Variants in MKNK2 observed in about 807,000 individuals in gnomAD.
The protein encoded by MKNK2 is MAPK interacting serine/threonine kinase 2, also known as MAP kinase-interacting serine/threonine-protein kinase 2.
A neutral mutation model predicts 55.0 loss-of-function variants in MKNK2; 54 were observed. The observed-to-expected ratio is 0.98, with a 90% CI of 0.79 to 1.23. The LOEUF (loss-of-function observed/expected upper bound fraction) is 1.23. Ranked by LOEUF, MKNK2 falls within the 50% of genes most tolerant of loss-of-function variation. The pLI is 0.00. For synonymous variants in MKNK2, 323 were observed against 256.0 expected, an observed-to-expected ratio of 1.26 and a Z score of -2.50; for missense variants, 685 against 632.1, an observed-to-expected ratio of 1.08 and a Z score of -0.90.
At chr19:2,044,296 G>A (rs925008407) in intron 5 of MKNK2, among the ~76,000 whole-genome samples, 3 of 152,230 alleles carry the variant, frequency 2.0e-5, no homozygotes, top group Admixed American at 6.5e-5. Flanking sequence ...AGCCTGGGCA[G>A]ACACTTGCCT....
chr19:2,039,477 C>A lies in MKNK2; in HGVS notation c.*136G>T, dbSNP rs959485894. ...AGCAAAAACCTTCTATAAAACACCC[C>A]CCTCAGCTGAGCTTAGTGCCTGGGA... is the stretch of plus-strand genomic sequence containing the variant. On this transcript the variant is annotated 3_prime_UTR_variant, in exon 14 of 14. Coordinates refer to ENST00000250896, the MANE Select transcript of MKNK2 (RefSeq NM_199054.3). 29 of 1,415,870 alleles carry A rather than the reference C, an allele frequency of 2.0e-5. No individual in the cohort carries two copies. The South Asian group carries it at 2.8e-4, about 14-fold the overall frequency. 87.7% of individuals were successfully genotyped at this position (1,415,870 alleles called of 1,614,324 possible).
intron 2 of MKNK2, among the ~76,000 whole-genome samples, chr19:2,050,300 C>A (rs781178816): frequency 3.9e-5 from 6 of 152,332 alleles, no homozygotes; most frequent in Non-Finnish European, 1.5e-5. Flanking sequence ...GGTGGGTGCA[C>A]CTGACCAGCC....
intron 6 of MKNK2, 22 bp downstream of exon 6, chr19:2,043,481 G>A: frequency 6.2e-7 from 1 of 1,608,218 alleles, no homozygotes. Flanking sequence ...GGCCAGTGCG[G>A]TGGCAAGGGT....
chr19:2,040,238 G>A, intron 12 of MKNK2, 61 bp from the exon 13 acceptor site: 1 of 1,420,636 alleles, frequency 7.0e-7, no homozygotes, highest in Non-Finnish European at 9.5e-7. Context: ...GGGGCGCTGG[G>A]TGGGGTGTCT....
At position 2,039,475 on chromosome 19, in the gene MKNK2, C is replaced by G; in HGVS notation, c.*138G>C. 7.1e-7 allele frequency: 1 copy of G among 1,402,958 alleles called. No individual in the cohort carries two copies. Among genetic ancestry groups the G allele is most frequent in the Non-Finnish European group, 9.3e-7 (1 of 1,078,438 alleles). The allele number at this position is 1,402,958 out of a possible 1,614,324, so 86.9% of individuals were successfully genotyped here. Reference sequence around the variant, plus strand: ...AAAGCAAAAACCTTCTATAAAACACCCCCCTCAGCTGAGCTTAGTGCCTGG... The same window carrying G: ...AAAGCAAAAACCTTCTATAAAACACGCCCCTCAGCTGAGCTTAGTGCCTGG... On this transcript the variant is annotated 3_prime_UTR_variant, in exon 14 of 14. Coordinates refer to ENST00000250896, the MANE Select transcript of MKNK2 (RefSeq NM_199054.3).
rs145756453 is a variant in MKNK2, at chr19:2,037,966, G to A, written c.*1647C>T. 1.6e-3 allele frequency: 2,168 copies of A among 1,380,324 alleles called. 22 individuals carry two copies. In the African/African-American group the frequency reaches 0.029, roughly 18 times the overall value. The allele number at this position is 1,380,324 out of a possible 1,614,324, so 85.5% of individuals were successfully genotyped here. On this transcript the variant is annotated 3_prime_UTR_variant, in exon 14 of 14. Transcript: ENST00000250896. ...GATACAAAAAGGCAGAGAATCCCCC[G>A]TTACGAAACATGGAATCACTGACAG...
At position 2,042,427 on chromosome 19, in the gene MKNK2, C is replaced by G; in HGVS notation, c.750G>C (p.Pro250=). The change falls in exon 10 of 14, where the codon CCG becomes CCC. Residue 250 remains proline, a splice_region_variant and synonymous_variant. Coordinates refer to ENST00000250896, the MANE Select transcript of MKNK2 (RefSeq NM_199054.3). ...SPISTPELLT[P]CGSAEYMAPE... is the part of the protein sequence containing the mutation. Reference sequence around the variant, plus strand: ...CCCAGCCCTCCCCGCGGGCCCTCACCGGAGTGAGCAGCTCCGGGGTGGAGA... The same window carrying G: ...CCCAGCCCTCCCCGCGGGCCCTCACGGGAGTGAGCAGCTCCGGGGTGGAGA... The G allele has an allele frequency of 6.4e-7, 1 of 1,572,776 alleles. No individual in the cohort carries two copies. The highest frequency in any genetic ancestry group is 1.7e-4 in the Middle Eastern group (1 of 5,782).
intron 2 of MKNK2, among the ~76,000 whole-genome samples, chr19:2,047,122 C>T (rs1370695565): frequency 6.6e-6 from 1 of 152,158 alleles, no homozygotes; most frequent in African/African-American, 2.4e-5. Context: ...AGCACCTCAG[C>T]AAGGCAAGAT....
rs2016799938 is a variant in MKNK2, at chr19:2,038,387, T to C, written c.*1226A>G. 1 of 985,912 alleles carries C rather than the reference T, an allele frequency of 1.0e-6. No individual in the cohort carries two copies. The highest frequency in any genetic ancestry group is 6.1e-5 in the Admixed American group (1 of 16,328). The allele number at this position is 985,912 out of a possible 1,614,324, so 61.1% of individuals were successfully genotyped here. A position where few individuals can be genotyped will look rare whatever the true frequency, so the allele number is the denominator to read the frequency against. On this transcript the variant is annotated 3_prime_UTR_variant, in exon 14 of 14. Transcript: ENST00000250896. ...GGGCGGTGACCCTAGCCGCGCGCAC[T>C]TCTAAAGTGGAACCCTGTATTGCAT...
Position 2,043,205 on chromosome 19 carries a change from G to T in MKNK2, c.420-8C>A. On this transcript the variant is annotated splice_polypyrimidine_tract_variant and splice_region_variant and intron_variant, in intron 6 of 13. Coordinates refer to ENST00000250896, the MANE Select transcript of MKNK2 (RefSeq NM_199054.3). ...ATCAGCTCTAGGACGTTCCTGGGGT[G>T]GGGGTGGGGGCAGGAGAGGAGCTGA... The T allele has an allele frequency of 6.2e-7, 1 of 1,604,100 alleles. No individual in the cohort carries two copies. The highest frequency in any genetic ancestry group is 8.5e-7 in the Non-Finnish European group (1 of 1,171,396).
At position 2,047,610 on chromosome 19, in the gene MKNK2, G is replaced by A. The variant is rs369321197; in HGVS notation, c.52-919C>T. Among the ~76,000 whole-genome samples, 15 of 152,226 alleles carry A rather than the reference G, an allele frequency of 9.9e-5. No homozygotes were observed. The South Asian group carries it at 3.1e-3, about 32-fold the overall frequency. ...GGGAAGGAGGTGAGTCACTAGGCGG[G>A]CTGCCAGCCTGGTGGCTGTGCCTGC... On this transcript the variant is annotated intron_variant, in intron 2 of 13. Coordinates refer to ENST00000250896, the MANE Select transcript of MKNK2 (RefSeq NM_199054.3).
chr19:2,042,780 A>G lies in MKNK2; in HGVS notation c.584T>C (p.Phe195Ser), dbSNP rs2145687556. 1 of 1,577,982 alleles carries G rather than the reference A, an allele frequency of 6.3e-7. No individual in the cohort carries two copies. Among genetic ancestry groups the G allele is most frequent in the Non-Finnish European group, 8.6e-7 (1 of 1,160,432 alleles). Residue 195 changes from phenylalanine to serine, a missense_variant, in exon 8 of 14, where the codon TTT becomes TCT. Physicochemically the swap from Phe to Ser is radical, Grantham distance 155. Transcript: ENST00000250896. ...TCACCACCTACCTTTGTTATGCAGA[A>G]AGTCCAAGGCGCTGGCCACGTCCTG... ...VVQDVASALD[F>S]LHNKGIAHRD...
In MKNK2 at chr19:2,043,119, G is replaced by A; in HGVS notation, c.493+5C>T. 1 of 1,612,122 alleles carries A rather than the reference G, an allele frequency of 6.2e-7. No individual in the cohort carries two copies. ...CCCTCCTCACAGCCTGGAGCCCCCA[G>A]GTACCTCCCCGCATCTTCTCAAACA... On this transcript the variant is annotated splice_donor_5th_base_variant and intron_variant, in intron 7 of 13. Transcript: ENST00000250896.
Position 2,039,419 on chromosome 19 carries a change from G to A in MKNK2, c.*194C>T. ...AACCATCCAAAGGAAAAAATAACGG[G>A]GAGGGGTGGAAACAGGAAAAAAAAA... On this transcript the variant is annotated 3_prime_UTR_variant, in exon 14 of 14. Coordinates refer to ENST00000250896, the MANE Select transcript of MKNK2 (RefSeq NM_199054.3). 1 of 1,403,122 alleles carries A rather than the reference G, an allele frequency of 7.1e-7. No homozygotes were observed. Among genetic ancestry groups the A allele is most frequent in the Non-Finnish European group, 9.2e-7 (1 of 1,081,798 alleles). 86.9% of individuals were successfully genotyped at this position (1,403,122 alleles called of 1,614,324 possible).
In MKNK2 at chr19:2,051,075, CG is replaced by C; in HGVS notation, c.-97+20del. The C allele has an allele frequency of 6.6e-6, 2 of 303,624 alleles. No homozygotes were observed. The highest frequency in any genetic ancestry group is 1.2e-5 in the Non-Finnish European group (2 of 166,390). The allele number at this position is 303,624 out of a possible 1,614,324, so 18.8% of individuals were successfully genotyped here. ...GCTACCGGGTCGGTGTCCTCGGGGC[CG>C]CCCTGGGGTTCGCACTCACCGGGGT... is the stretch of plus-strand genomic sequence containing the variant. On this transcript the variant is annotated intron_variant, in intron 1 of 13. Coordinates refer to ENST00000250896, the MANE Select transcript of MKNK2 (RefSeq NM_199054.3).
rs1568235591 is a variant in MKNK2 at position 2,041,080 on chromosome 19, A to G, written c.1070T>C (p.Leu357Pro). ...GTGCTGCAGGACTTGGGCGGCACTC[A>G]GCCTCTGCTTGGCGTCACGGACCAG... ...KLLVRDAKQR[L>P]SAAQVLQHPW... The change falls in exon 12 of 14, where the codon CTG becomes CCG. Residue 357 changes from leucine (L) to proline (P), a missense_variant. Coordinates refer to ENST00000250896, the MANE Select transcript of MKNK2 (RefSeq NM_199054.3). 1.2e-6 allele frequency: 2 copies of G among 1,613,968 alleles called. No individual in the cohort carries two copies. Among genetic ancestry groups the G allele is most frequent in the Non-Finnish European group, 1.7e-6 (2 of 1,179,936 alleles).
chr19:2,041,766 G>C, intron 11 of MKNK2, 74 bp downstream of exon 11: 1 of 1,287,308 alleles, frequency 7.8e-7, no homozygotes, highest in Middle Eastern at 2.7e-4. Flanking sequence ...CAGGTCCCCT[G>C]GGGTTAGGGG....
chr19:2,042,324 C>A (rs2016906304), intron 10 of MKNK2, 103 bp downstream of exon 10: 1 of 1,091,544 alleles, frequency 9.2e-7, no homozygotes, highest in Non-Finnish European at 1.3e-6. Flanking sequence ...TAGGCGGAAG[C>A]CCGAGCTCCG....
At position 2,047,892 on chromosome 19, in the gene MKNK2, C is replaced by A. The variant is rs945823731; in HGVS notation, c.52-1201G>T. Among the ~76,000 whole-genome samples the A allele has an allele frequency of 1.1e-4, 17 of 152,148 alleles. 1 individual carries two copies. Among genetic ancestry groups the A allele is most frequent in the Admixed American group, 4.6e-4 (7 of 15,272 alleles). ...ACACCTGCATTCCTCCGCCCATGTC[C>A]CGCAGCTGCCCGGCACACCTTTCCC... On this transcript the variant is annotated intron_variant, in intron 2 of 13. Transcript: ENST00000250896.
Sources: allele counts gnomAD v4.1 joint callset (sites outside exome capture counted in the v4.1 genomes callset), GRCh38; gene constraint gnomAD v4.1.1; transcripts MANE v1.5; gene names NCBI Gene and HGNC (gene_info 2026-07-23, HGNC 2026-07-21).